SEC14L1: variants seen among roughly 807,000 people sequenced by gnomAD.
SEC14L1 encodes SEC14-like protein 1.
A neutral mutation model predicts 85.3 loss-of-function variants in SEC14L1; 48 were observed. The observed-to-expected ratio is 0.56, with a 90% CI of 0.45 to 0.72. SEC14L1 has a LOEUF of 0.72. Ranked by LOEUF, SEC14L1 falls within the 30% of genes least tolerant of loss-of-function variation. SEC14L1 has a pLI of 0.00. For missense variants in SEC14L1, 682 were observed against 921.4 expected, an observed-to-expected ratio of 0.74 and a Z score of 3.36; for synonymous variants, 391 against 355.5, an observed-to-expected ratio of 1.10 and a Z score of -1.12.
intron 3 of SEC14L1, among the ~76,000 whole-genome samples, chr17:77,113,671 A>T (rs1443491899): frequency 1.3e-5 from 2 of 152,172 alleles, no homozygotes; most frequent in African/African-American, 4.8e-5. Context: ...GCTTGAACCC[A>T]GGAAGCAGAG....
chr17:77,163,462 T>C (rs1567903740), intron 3 of SEC14L1, among the ~76,000 whole-genome samples: 1 of 151,844 alleles, frequency 6.6e-6, no homozygotes, highest in Non-Finnish European at 1.5e-5. Context: ...ATGTCACCTT[T>C]CTTTCTTTTC....
At chr17:77,209,199 G>A in intron 13 of SEC14L1, 143 bp from the exon 14 acceptor site, 1 of 910,674 alleles carries the variant, frequency 1.1e-6, no homozygotes, top group Non-Finnish European at 1.6e-6. Context: ...AGTGCAGAGT[G>A]TTTTACGACC....
intron 3 of SEC14L1, among the ~76,000 whole-genome samples, chr17:77,118,442 G>A (rs559291257): frequency 6.6e-6 from 1 of 152,210 alleles, no homozygotes; most frequent in South Asian, 2.1e-4. Context: ...AATTATAAAG[G>A]ATGGAAAAGG....
In SEC14L1 at chr17:77,206,961, T is replaced by C; in HGVS notation, c.1476+99T>C. ...ATGATTTTCAGAACTTCCAGTTGTTTGGATGTTTTGTTTTTGTTTTGTTTC... is the reference window on the plus strand; with the variant it reads ...ATGATTTTCAGAACTTCCAGTTGTTCGGATGTTTTGTTTTTGTTTTGTTTC... On this transcript the variant is annotated intron_variant, in intron 13 of 16. Transcript: ENST00000436233. The surrounding 1 kb of genome is among the most constrained non-coding windows in gnomAD (Gnocchi z 4.3). 5 of 1,280,368 alleles carry C rather than the reference T, an allele frequency of 3.9e-6. No individual in the cohort carries two copies. Among genetic ancestry groups the C allele is most frequent in the Non-Finnish European group, 5.3e-6 (5 of 950,808 alleles). 79.3% of individuals were successfully genotyped at this position (1,280,368 alleles called of 1,614,324 possible).
chr17:77,192,341 T>G (rs931488311), intron 5 of SEC14L1, among the ~76,000 whole-genome samples: 1 of 152,202 alleles, frequency 6.6e-6, no homozygotes. Context: ...GAATTCAAAG[T>G]GATCTATTTA....
At chr17:77,135,955 C>T (rs545110441) in intron 3 of SEC14L1, among the ~76,000 whole-genome samples, 25 of 152,100 alleles carry the variant, frequency 1.6e-4, no homozygotes, top group African/African-American at 4.1e-4. Flanking sequence ...TCACTGCAAG[C>T]TCCATCTCCC....
In SEC14L1 at chr17:77,213,106, C is replaced by T. The variant is rs1976849899; in HGVS notation, c.1864-208C>T. Among the ~76,000 whole-genome samples the T allele has an allele frequency of 6.6e-6, 1 of 152,260 alleles. No individual in the cohort carries two copies. The highest frequency in any genetic ancestry group is 2.4e-5 in the African/African-American group (1 of 41,466). On this transcript the variant is annotated intron_variant, in intron 15 of 16. Coordinates refer to ENST00000436233, the MANE Select transcript of SEC14L1 (RefSeq NM_001143998.2). This position sits in a 1 kb window ranked among gnomAD's most constrained non-coding sequence, Gnocchi z 7.1. ...ATGGAGCTTGTCCCTCCGGGCTTCCCAGCACCCGGGAGTGACCACACTCAG... is the reference window on the plus strand; with the variant it reads ...ATGGAGCTTGTCCCTCCGGGCTTCCTAGCACCCGGGAGTGACCACACTCAG...
chr17:77,089,127 C>T, intron 1 of SEC14L1: 1 of 308,372 alleles, frequency 3.2e-6, no homozygotes, highest in South Asian at 2.7e-5. Flanking sequence ...CCTTTTAAAG[C>T]ACATTATGTT....
At chr17:77,101,785 T>C (rs1433936171) in intron 3 of SEC14L1, among the ~76,000 whole-genome samples, 1 of 152,192 alleles carries the variant, frequency 6.6e-6, no homozygotes, top group Non-Finnish European at 1.5e-5. Flanking sequence ...GGACTTACTT[T>C]GTAGAACACA....
At chr17:77,130,674 C>T (rs1972586136) in intron 3 of SEC14L1, among the ~76,000 whole-genome samples, 1 of 152,116 alleles carries the variant, frequency 6.6e-6, no homozygotes, top group Admixed American at 6.6e-5. Flanking sequence ...GGCTGAAGTA[C>T]AGTAGCATGA....
chr17:77,089,292 A>G (rs750927755), intron 2 of SEC14L1: 1 of 449,254 alleles, frequency 2.2e-6, no homozygotes. Flanking sequence ...CATGGTGACA[A>G]AGTGTTCAGG....
chr17:77,092,908 A>G (rs1971550794), intron 2 of SEC14L1, among the ~76,000 whole-genome samples: 1 of 146,752 alleles, frequency 6.8e-6, no homozygotes, highest in Non-Finnish European at 1.5e-5. Flanking sequence ...AGATCACGCC[A>G]TTGCACACTC....
chr17:77,196,270 A>G lies in SEC14L1; in HGVS notation c.778A>G (p.Ile260Val), dbSNP rs760207762. Residue 260 changes from isoleucine to valine, a missense_variant, in exon 8 of 17, where the codon ATT becomes GTT. Physicochemically the swap from Ile to Val is conservative, Grantham distance 29. Around this residue, in one of 3 missense-constraint regions of SEC14L1, gnomAD observed 420 missense variants for 619.5 expected, o/e 0.68. Coordinates refer to ENST00000436233, the MANE Select transcript of SEC14L1 (RefSeq NM_001143998.2). ...DLTPLQESCL[I>V]RLRQWLQETH... Reference sequence around the variant, plus strand: ...GACTCCGCTGCAGGAGAGCTGCCTCATTAGACTTCGCCAGTGGCTCCAGGA... The same window carrying G: ...GACTCCGCTGCAGGAGAGCTGCCTCGTTAGACTTCGCCAGTGGCTCCAGGA... 5 of 1,614,166 alleles carry G rather than the reference A, an allele frequency of 3.1e-6. No individual in the cohort carries two copies. Among genetic ancestry groups the G allele is most frequent in the East Asian group, 2.2e-5 (1 of 44,882 alleles).
chr17:77,190,758 T>G, intron 3 of SEC14L1, 45 bp from the exon 4 acceptor site: 2 of 1,606,790 alleles, frequency 1.2e-6, no homozygotes, highest in Non-Finnish European at 1.7e-6. Context: ...GGACATCAGG[T>G]TGTGTCTTTG....
chr17:77,150,960 T>G (rs1367227563), intron 3 of SEC14L1, among the ~76,000 whole-genome samples: 1 of 152,228 alleles, frequency 6.6e-6, no homozygotes, highest in Non-Finnish European at 1.5e-5. Context: ...GAGCATGTCT[T>G]CTTTCTCTCA....
In SEC14L1 at chr17:77,196,213, GC is replaced by G; in HGVS notation, c.723del (p.Asp242ThrfsTer10). 6.2e-7 allele frequency: 1 copy of G among 1,613,552 alleles called. No homozygotes were observed. Among genetic ancestry groups the G allele is most frequent in the Non-Finnish European group, 8.5e-7 (1 of 1,179,534 alleles). Reference sequence around the variant, plus strand: ...CACTTACATTCCAGACAAACTAGATGCCGACTACATCAAGAGATACCTGGGC... The same window carrying G: ...CACTTACATTCCAGACAAACTAGATGCGACTACATCAAGAGATACCTGGGC... ...VVGTPDDKLD[A>X]DYIKRYLGDL... On this transcript the variant is annotated frameshift_variant, in exon 8 of 17. Coordinates refer to ENST00000436233, the MANE Select transcript of SEC14L1 (RefSeq NM_001143998.2). LOFTEE classifies it high-confidence loss of function.
Position 77,200,623 on chromosome 17 carries a change from C to A in SEC14L1, c.959C>A (p.Pro320His). ...VDYILETWTP[P>H]QVLQDYYAGG... ...TACATTCTTGAAACCTGGACCCCTC[C>A]TCAGGTCCTTCAGGATTACTACGCG... Residue 320 changes from proline to histidine, a missense_variant, in exon 9 of 17, where the codon CCT (proline) becomes CAT (histidine). Coordinates refer to ENST00000436233, the MANE Select transcript of SEC14L1 (RefSeq NM_001143998.2). The A allele has an allele frequency of 6.2e-7, 1 of 1,614,082 alleles. No homozygotes were observed. Among genetic ancestry groups the A allele is most frequent in the South Asian group, 1.1e-5 (1 of 91,068 alleles).
At position 77,216,686 on chromosome 17, in the gene SEC14L1, A is replaced by C; in HGVS notation, c.*2663A>C. The C allele has an allele frequency of 1.3e-6, 2 of 1,564,840 alleles. No individual in the cohort carries two copies. Among genetic ancestry groups the C allele is most frequent in the Admixed American group, 3.4e-5 (2 of 58,026 alleles). ...CTGAAGATCTGTTCTTTTTAAGTTG[A>C]TTCGGGAGTGGCATTCTTTTATACC... On this transcript the variant is annotated 3_prime_UTR_variant, in exon 17 of 17. Coordinates refer to ENST00000436233, the MANE Select transcript of SEC14L1 (RefSeq NM_001143998.2).
At position 77,156,432 on chromosome 17, in the gene SEC14L1, G is replaced by A. The variant is rs7211334; in HGVS notation, c.63+12773G>A. On this transcript the variant is annotated intron_variant, in intron 3 of 16. Coordinates refer to ENST00000436233, the MANE Select transcript of SEC14L1 (RefSeq NM_001143998.2). ...TCTATTAAAAATACAAAAATTAGCT[G>A]GGCGTGGTGGCGTACATCTGTAATC... Among the ~76,000 whole-genome samples, 568 of 152,182 alleles carry A rather than the reference G, an allele frequency of 3.7e-3. 5 individuals carry two copies. Among genetic ancestry groups the A allele is most frequent in the African/African-American group, 0.013 (547 of 41,504 alleles).
Sources: gnomAD v4.1 joint callset for allele counts (sites outside exome capture counted in the v4.1 genomes callset) on GRCh38, gnomAD v4.1.1 for gene constraint, gnomAD v4.1.1 regional missense constraint, Gnocchi (gnomAD v3.1) non-coding constraint, MANE v1.5 for transcripts, NCBI Gene and HGNC (gene_info 2026-07-23, HGNC 2026-07-21) for gene names.